SUSD4: variants seen among roughly 807,000 people sequenced by gnomAD.
SUSD4 encodes the protein sushi domain-containing protein 4.
In SUSD4, 41 loss-of-function variants were observed where a neutral mutation model predicts 50.5. The ratio of observed to expected loss-of-function variants is 0.81; its 90% CI spans 0.63 to 1.05. SUSD4 has a LOEUF of 1.05. Ranked by LOEUF, SUSD4 falls within the 50% of genes least tolerant of loss-of-function variation. The pLI, the probability that SUSD4 is intolerant of heterozygous loss-of-function variation, is 0.00. For synonymous variants in SUSD4, 257 were observed against 257.3 expected (o/e 1.00, Z 0.01); for missense variants, 580 against 634.7 (o/e 0.91, Z 0.93).
intron 2 of SUSD4, among the ~76,000 whole-genome samples, chr1:223,336,685 T>C (rs991319391): frequency 1.3e-5 from 2 of 152,312 alleles, no homozygotes; most frequent in South Asian, 4.2e-4. Flanking sequence ...TGGGTGACTG[T>C]AACAGAGAGC....
intron 5 of SUSD4, among the ~76,000 whole-genome samples, chr1:223,242,387 G>A (rs1454147375): frequency 1.3e-5 from 2 of 152,166 alleles, no homozygotes; most frequent in Non-Finnish European, 2.9e-5. Context: ...TCTGGTGTCT[G>A]GCATGCTGTG....
rs141462743 is a variant in SUSD4, at chr1:223,343,120, C to T, written c.148+20158G>A. 4.0e-3 allele frequency among the ~76,000 whole-genome samples: 613 copies of T among 152,276 alleles called. 3 individuals are homozygous for T. Among genetic ancestry groups the T allele is most frequent in the African/African-American group, 0.014 (572 of 41,552 alleles). ...AGGCACACTGGCCTTCTTTCAGGTT[C>T]TTGAACATTCTATGCTACCTCCCAA... On this transcript the variant is annotated intron_variant, in intron 2 of 8. Coordinates refer to ENST00000366878, the MANE Select transcript of SUSD4 (RefSeq NM_017982.4).
Position 223,292,437 on chromosome 1 carries a change from A to C in SUSD4, c.361+2T>G, listed in dbSNP as rs781272486. 6.2e-7 allele frequency: 1 copy of C among 1,614,098 alleles called. No individual in the cohort carries two copies. The highest frequency in any genetic ancestry group is 1.1e-5 in the South Asian group (1 of 91,076). On this transcript the variant is annotated splice_donor_variant, in intron 3 of 8. Transcript: ENST00000366878. LOFTEE classifies it high-confidence loss of function. ...GCTTCCGTGGAGAAGTAAGCACTTT[A>C]CCTTCTTGCACACAGATGGAATTAT...
rs77036516 is a variant in SUSD4, at chr1:223,231,139, C to T, written c.725-1751G>A. On this transcript the variant is annotated intron_variant, in intron 5 of 8. Coordinates refer to ENST00000366878, the MANE Select transcript of SUSD4 (RefSeq NM_017982.4). This position sits in a 1 kb window ranked among gnomAD's most constrained non-coding sequence, Gnocchi z 4.2. ...GAGGTCTATCCCGCGGGAACTGGAG[C>T]CCGGGGAAACTCAGACCCCGCTGGA... 0.026 allele frequency among the ~76,000 whole-genome samples: 3,883 copies of T among 152,046 alleles called. 98 individuals carry two copies. Among genetic ancestry groups the T allele is most frequent in the African/African-American group, 0.064 (2,645 of 41,436 alleles).
At position 223,235,251 on chromosome 1, in the gene SUSD4, A is replaced by G. The variant is rs1660141598; in HGVS notation, c.725-5863T>C. On this transcript the variant is annotated intron_variant, in intron 5 of 8. Coordinates refer to ENST00000366878, the MANE Select transcript of SUSD4 (RefSeq NM_017982.4). The stretch of plus-strand genomic sequence containing the variant: ...CACAGCAATATTGAGCAGAAGGTAC[A>G]GGAAGTTCCCGTATACTCCCTGCTC... 4 of 791,498 alleles carry G rather than the reference A, an allele frequency of 5.1e-6. No homozygotes were observed. The East Asian group carries it at 1.1e-4, about 22-fold the overall frequency. 49.0% of individuals were successfully genotyped at this position (791,498 alleles called of 1,614,324 possible). A position where few individuals can be genotyped will look rare whatever the true frequency, so the allele number is the denominator to read the frequency against.
At chr1:223,345,684 C>T (rs1667992836) in intron 2 of SUSD4, among the ~76,000 whole-genome samples, 1 of 152,342 alleles carries the variant, frequency 6.6e-6, no homozygotes, top group Non-Finnish European at 1.5e-5. Flanking sequence ...CTGGGCAATT[C>T]CACCTGCATG....
chr1:223,359,163 T>G (rs993561738), intron 2 of SUSD4: 2 of 470,946 alleles, frequency 4.2e-6, no homozygotes, highest in Non-Finnish European at 8.8e-6. Flanking sequence ...TCAGATGATA[T>G]TTTGCTCCTG....
intron 2 of SUSD4, among the ~76,000 whole-genome samples, chr1:223,359,817 G>A (rs1271543497): frequency 6.6e-6 from 1 of 152,144 alleles, no homozygotes; most frequent in Non-Finnish European, 1.5e-5. Context: ...AGAAGTTATG[G>A]CATTTAAAAG....
At chr1:223,262,936 C>T (rs1332246668) in intron 5 of SUSD4, among the ~76,000 whole-genome samples, 1 of 152,202 alleles carries the variant, frequency 6.6e-6, no homozygotes, top group African/African-American at 2.4e-5. Context: ...TCATTTTCAA[C>T]CCAAAGCCAC....
chr1:223,235,913 A>G (rs1163665127), intron 5 of SUSD4, among the ~76,000 whole-genome samples: 1 of 152,178 alleles, frequency 6.6e-6, no homozygotes, highest in Non-Finnish European at 1.5e-5. Context: ...GTAAGAATAC[A>G]TTTAGTTTTG....
intron 2 of SUSD4, chr1:223,358,903 A>G: frequency 3.3e-6 from 1 of 302,960 alleles, no homozygotes; most frequent in Non-Finnish European, 6.9e-6. Flanking sequence ...CTTTCACTCT[A>G]CCATGTAAGA....
chr1:223,252,219 T>TAA (rs68004270), intron 5 of SUSD4, among the ~76,000 whole-genome samples: 1 of 129,086 alleles, frequency 7.7e-6, no homozygotes, highest in Non-Finnish European at 1.6e-5. Context: ...AAAGTATAAT[T>TAA]AAAAAAAAAA....
chr1:223,339,142 A>C (rs1198888315), intron 2 of SUSD4, among the ~76,000 whole-genome samples: 1 of 152,206 alleles, frequency 6.6e-6, no homozygotes, highest in Non-Finnish European at 1.5e-5. Context: ...AAGAAAATGA[A>C]GTAGCCAAGT....
intron 3 of SUSD4, among the ~76,000 whole-genome samples, chr1:223,285,701 G>A (rs781525938): frequency 6.6e-6 from 1 of 152,184 alleles, no homozygotes; most frequent in South Asian, 2.1e-4. Context: ...CAATATGGAT[G>A]GAGCTGGAGG....
intron 2 of SUSD4, among the ~76,000 whole-genome samples, chr1:223,325,020 T>A (rs1558251866): frequency 6.6e-6 from 1 of 152,174 alleles, no homozygotes; most frequent in Non-Finnish European, 1.5e-5. Flanking sequence ...TTATGACTCT[T>A]CTGCCTTCAT....
intron 3 of SUSD4, among the ~76,000 whole-genome samples, chr1:223,288,324 C>T (rs1342382632): frequency 6.6e-6 from 1 of 152,174 alleles, no homozygotes; most frequent in African/African-American, 2.4e-5. Flanking sequence ...TCGCCTTCTG[C>T]CATGAGTGTA....
chr1:223,323,552 T>C (rs535092376), intron 2 of SUSD4, among the ~76,000 whole-genome samples: 1 of 152,166 alleles, frequency 6.6e-6, no homozygotes, highest in South Asian at 2.1e-4. Flanking sequence ...GAGGCTGCCA[T>C]GGAGACAGGG....
At position 223,223,377 on chromosome 1, in the gene SUSD4, A is replaced by C. The variant is rs1165395734; in HGVS notation, c.1316T>G (p.Leu439Arg). Reference sequence around the variant, plus strand: ...GGGAGGTGAATACAGACTTTGGAGCAGCTCAGAAGAGCCTGAGACGCTGTC... The same window carrying C: ...GGGAGGTGAATACAGACTTTGGAGCCGCTCAGAAGAGCCTGAGACGCTGTC... Reference protein sequence around the residue: ...TCDSVSGSSELLQSLYSPPRC... With the variant: ...TCDSVSGSSERLQSLYSPPRC... The change falls in exon 8 of 9, where the codon CTG becomes CGG. Residue 439 changes from leucine (L) to arginine (R), a missense_variant. Physicochemically the swap from Leu to Arg is moderately radical, Grantham distance 102. Transcript: ENST00000366878. 5.0e-6 allele frequency: 8 copies of C among 1,613,664 alleles called. No homozygotes were observed. Among genetic ancestry groups the C allele is most frequent in the South Asian group, 1.1e-5 (1 of 91,018 alleles).
intron 2 of SUSD4, among the ~76,000 whole-genome samples, chr1:223,354,822 G>A (rs1271855265): frequency 1.3e-5 from 2 of 152,186 alleles, no homozygotes; most frequent in Admixed American, 1.3e-4. Context: ...AATCTTCTAG[G>A]TGTTAAGTAT....
Sources: allele counts gnomAD v4.1 joint callset (sites outside exome capture counted in the v4.1 genomes callset), GRCh38; gene constraint gnomAD v4.1.1; non-coding constraint Gnocchi (gnomAD v3.1); transcripts MANE v1.5; gene names NCBI Gene and HGNC (gene_info 2026-07-23, HGNC 2026-07-21).